Variants in SECISBP2 observed in about 807,000 individuals in gnomAD.
The protein encoded by SECISBP2 is selenocysteine insertion sequence-binding protein 2.
In SECISBP2, 96 loss-of-function variants were observed where a neutral mutation model predicts 98.2. That is an observed-to-expected ratio of 0.98 (90% CI 0.83 to 1.16). SECISBP2 has a LOEUF of 1.16. Among genes scored for constraint, SECISBP2 ranks in the 50% most tolerant of loss-of-function variants. The probability of loss-of-function intolerance (pLI) is 0.00; values close to 1 mark genes in which losing one functional copy is unlikely to be tolerated. For synonymous variants in SECISBP2, 407 were observed against 370.2 expected (o/e 1.10, Z -1.14); for missense variants, 1,046 against 1,022.9 (o/e 1.02, Z -0.31).
chr9:89,346,699 T>C (rs1225381038), intron 10 of SECISBP2, among the ~76,000 whole-genome samples, 183 bp from the exon 11 acceptor site: 2 of 135,644 alleles, frequency 1.5e-5, no homozygotes, highest in Non-Finnish European at 3.4e-5. Flanking sequence ...TTGGAATTAC[T>C]GCCAATGAAA....
At chr9:89,335,077 A>G (rs555959540) in intron 7 of SECISBP2, among the ~76,000 whole-genome samples, 117 of 152,010 alleles carry the variant, frequency 7.7e-4, no homozygotes, top group Non-Finnish European at 1.6e-3. Flanking sequence ...TTACCTGGGC[A>G]TGGTGGCGGG....
At chr9:89,361,653 T>C (rs1832774876), downstream of SECISBP2, 1 of 152,256 alleles carries the variant, frequency 6.6e-6, no homozygotes, top group South Asian at 2.1e-4. Flanking sequence ...ATTGACCTAT[T>C]TGGCTTTCTG....
chr9:89,332,190 TGAGAG>T (rs761038787), intron 5 of SECISBP2, among the ~76,000 whole-genome samples: 49 of 152,226 alleles, frequency 3.2e-4, no homozygotes, highest in Non-Finnish European at 5.6e-4. Context: ...ACAGCAAAGT[TGAGAG>T]GAAAGTACAG....
At chr9:89,330,180 C>G (rs572438431) in intron 5 of SECISBP2, 2 of 152,178 alleles carry the variant, frequency 1.3e-5, no homozygotes, top group South Asian at 4.1e-4. Context: ...TTGAATTTTC[C>G]AGGCTTTTAT....
chr9:89,362,689 T>C (rs565062483), downstream of SECISBP2, among the ~76,000 whole-genome samples: 51 of 152,362 alleles, frequency 3.3e-4, no homozygotes. Context: ...GGAGCCTGTG[T>C]GTGCTGAAGT....
At chr9:89,320,355 C>CAA (rs776426275) in intron 2 of SECISBP2, among the ~76,000 whole-genome samples, 106 of 51,504 alleles carry the variant, frequency 2.1e-3, no homozygotes, top group East Asian at 3.1e-3. Flanking sequence ...GACTCTGTCT[C>CAA]AAAAAAAAAA....
chr9:89,332,859 T>C (rs1351054446), intron 5 of SECISBP2, 49 bp from the exon 6 acceptor site: 1 of 1,413,956 alleles, frequency 7.1e-7, no homozygotes, highest in Admixed American at 1.7e-5. Flanking sequence ...GTTATCTCCT[T>C]GTTTTAATTT....
chr9:89,348,361 C>T (rs1830751068), intron 12 of SECISBP2, 147 bp downstream of exon 12: 1 of 885,918 alleles, frequency 1.1e-6, no homozygotes, highest in Admixed American at 1.9e-5. Context: ...CCCAGCTTTA[C>T]AGGGAAGGGA....
At chr9:89,341,510 A>C (rs752069841) in intron 10 of SECISBP2, 31 bp downstream of exon 10, 4 of 1,613,158 alleles carry the variant, frequency 2.5e-6, no homozygotes, top group Non-Finnish European at 3.4e-6. Flanking sequence ...CAGGCAAGTG[A>C]TTGGAAGTCT....
rs1832541156 is a variant in SECISBP2 at position 89,359,075 on chromosome 9, A to G, written c.*251A>G. On this transcript the variant is annotated 3_prime_UTR_variant, in exon 17 of 17. Coordinates refer to ENST00000375807, the MANE Select transcript of SECISBP2 (RefSeq NM_024077.5). ...GTGATACAGCTCTGGCTTTCTGAGC[A>G]CACTACGGATCTGGAAAATACTGGA... is the stretch of plus-strand genomic sequence containing the variant. The G allele has an allele frequency of 3.9e-6, 2 of 516,928 alleles. No individual in the cohort carries two copies. The highest frequency in any genetic ancestry group is 6.4e-5 in the Admixed American group (2 of 31,114). The allele number at this position is 516,928 out of a possible 1,614,324, so 32.0% of individuals were successfully genotyped here.
In SECISBP2 at chr9:89,348,215, G is replaced by C; in HGVS notation, c.1738+1G>C. 1.2e-6 allele frequency: 2 copies of C among 1,614,190 alleles called. No homozygotes were observed. Among genetic ancestry groups the C allele is most frequent in the South Asian group, 1.1e-5 (1 of 91,084 alleles). On this transcript the variant is annotated splice_donor_variant, in intron 12 of 16. Transcript: ENST00000375807. LOFTEE classifies it high-confidence loss of function. ...TTTCCCGAGCAGGCAGAGCTGTCAGGTACCAACTTCTCTTTGTGCCTTAAG... is the reference window on the plus strand; with the variant it reads ...TTTCCCGAGCAGGCAGAGCTGTCAGCTACCAACTTCTCTTTGTGCCTTAAG...
At chr9:89,328,963 A>G in intron 5 of SECISBP2, 77 bp downstream of exon 5, 10 of 1,233,492 alleles carry the variant, frequency 8.1e-6, no homozygotes, top group Non-Finnish European at 1.2e-5. Context: ...TACACATTAA[A>G]TCTTGCTGTG....
chr9:89,335,259 A>T (rs1177036317), intron 7 of SECISBP2, among the ~76,000 whole-genome samples: 1 of 151,876 alleles, frequency 6.6e-6, no homozygotes, highest in Non-Finnish European at 1.5e-5. Flanking sequence ...TGTTATATAT[A>T]TGGTACTATC....
Position 89,349,870 on chromosome 9 carries a change from C to T in SECISBP2, c.1833C>T (p.Ala611=), listed in dbSNP as rs1831002065. Residue 611 remains alanine, a synonymous_variant, in exon 13 of 17, where the codon GCC becomes GCT. Transcript: ENST00000375807. ...CAGAGCTCCAGAGGGACACAGAGGC[C>T]TCCCACCTTGCTCCCAATCACACCA... ...PGTELQRDTE[A]SHLAPNHTTF... 2 of 1,614,232 alleles carry T rather than the reference C, an allele frequency of 1.2e-6. No individual in the cohort carries two copies. Among genetic ancestry groups the T allele is most frequent in the East Asian group, 4.5e-5 (2 of 44,890 alleles).
chr9:89,327,314 C>T (rs1461405465), intron 4 of SECISBP2, among the ~76,000 whole-genome samples: 1 of 152,108 alleles, frequency 6.6e-6, no homozygotes, highest in Non-Finnish European at 1.5e-5. Flanking sequence ...CTGTTGGAGA[C>T]GTTCTAAACA....
chr9:89,342,536 A>G (rs1829807790), intron 10 of SECISBP2, among the ~76,000 whole-genome samples: 1 of 152,280 alleles, frequency 6.6e-6, no homozygotes. Flanking sequence ...GTTCATTACC[A>G]CATAATGGTG....
chr9:89,364,235 G>A (rs981485089), downstream of SECISBP2: 11 of 524,078 alleles, frequency 2.1e-5, no homozygotes, highest in East Asian at 7.7e-5. Context: ...TTCTTGCAGC[G>A]CTGTGCTGGT....
intron 12 of SECISBP2, among the ~76,000 whole-genome samples, chr9:89,348,863 A>G (rs1365256206): frequency 6.6e-6 from 1 of 152,142 alleles, no homozygotes; most frequent in Admixed American, 6.5e-5. Flanking sequence ...GATGCCGTTT[A>G]TTTTCATTAC....
chr9:89,319,771 G>A lies in SECISBP2; in HGVS notation c.156G>A (p.Pro52=), dbSNP rs952957643. The A allele has an allele frequency of 1.2e-6, 2 of 1,614,132 alleles. No homozygotes were observed. The highest frequency in any genetic ancestry group is 1.7e-6 in the Non-Finnish European group (2 of 1,180,002). Residue 52 remains proline (P), a synonymous_variant, in exon 2 of 17, where the codon CCG becomes CCA. Transcript: ENST00000375807. ...CCAGCTCTGCAGCCACATACTATCC[G>A]TTTGTTCAGGAACCACCAGTGACAG... The part of the protein sequence containing the change: ...VFPSSAATYY[P]FVQEPPVTEQ...
Sources: allele counts gnomAD v4.1 joint callset (sites outside exome capture counted in the v4.1 genomes callset), GRCh38; gene constraint gnomAD v4.1.1; transcripts MANE v1.5; gene names NCBI Gene and HGNC (gene_info 2026-07-23, HGNC 2026-07-21).